WDR48: variants seen among roughly 807,000 people sequenced by gnomAD.
WDR48 encodes the protein WD repeat-containing protein 48.
A neutral mutation model predicts 94.0 loss-of-function variants in WDR48; 22 were observed. The ratio of observed to expected loss-of-function variants is 0.23; its 90% CI spans 0.17 to 0.33. The LOEUF (loss-of-function observed/expected upper bound fraction) is 0.33. Ranked by LOEUF, WDR48 falls within the 10% of genes least tolerant of loss-of-function variation. The pLI, the probability that WDR48 is intolerant of heterozygous loss-of-function variation, is 1.00. For missense variants in WDR48, 541 were observed against 813.8 expected (o/e 0.66, Z 4.08); for synonymous variants, 278 against 280.5 (o/e 0.99, Z 0.09).
At chr3:39,089,812 T>C (rs1359246938) in intron 16 of WDR48, 1 of 152,228 alleles carries the variant, frequency 6.6e-6, no homozygotes, top group Non-Finnish European at 1.5e-5. Flanking sequence ...TGTACATCTT[T>C]TCATGTCTGT....
chr3:39,074,603 G>A, intron 7 of WDR48, 123 bp from the exon 8 acceptor site: 1 of 969,008 alleles, frequency 1.0e-6, no homozygotes, highest in Non-Finnish European at 1.5e-6. Flanking sequence ...CTTTATCAGA[G>A]GCAGAAACAC....
intron 1 of WDR48, 61 bp downstream of exon 1, chr3:39,052,134 C>G (rs1032611693): frequency 5.1e-5 from 82 of 1,600,594 alleles, no homozygotes; most frequent in Non-Finnish European, 6.2e-5. Context: ...CCCACTCCAG[C>G]TAGAAGGTGC....
At chr3:39,066,036 A>G in intron 3 of WDR48, 147 bp downstream of exon 3, 2 of 602,262 alleles carry the variant, frequency 3.3e-6, no homozygotes, top group Non-Finnish European at 5.6e-6. Flanking sequence ...ACCCAAATCA[A>G]GAAACAATAT....
At chr3:39,089,515 A>C (rs1042727781) in intron 16 of WDR48, 197 bp downstream of exon 16, 2 of 366,974 alleles carry the variant, frequency 5.4e-6, no homozygotes, top group Non-Finnish European at 4.8e-6. Flanking sequence ...TTGGTTTTTA[A>C]TTATAAAAAT....
Position 39,074,950 on chromosome 3 carries a change from G to T in WDR48, c.897G>T (p.Lys299Asn). Residue 299 changes from lysine to asparagine, a missense_variant and splice_region_variant, in exon 8 of 19, where the codon AAG becomes AAT. Around this residue, in one of 5 missense-constraint regions of WDR48, gnomAD observed 238 missense variants for 285.3 expected, o/e 0.83. Coordinates refer to ENST00000302313, the MANE Select transcript of WDR48 (RefSeq NM_020839.4). ...LICEEKAPVLKMELDRSADPP... is the reference protein window; with the variant it reads ...LICEEKAPVLNMELDRSADPP... ...GTGAAGAAAAAGCACCAGTTCTCAA[G>T]GTATGTCATATGTTAATATTTTAGT... 1 of 1,613,824 alleles carries T rather than the reference G, an allele frequency of 6.2e-7. No individual in the cohort carries two copies. Among genetic ancestry groups the T allele is most frequent in the Non-Finnish European group, 8.5e-7 (1 of 1,179,912 alleles).
At position 39,069,763 on chromosome 3, in the gene WDR48, G is replaced by C. The variant is rs758630144; in HGVS notation, c.672+19G>C. ...CACGCAAGTATGCAGTTTCATTTGGGTGTTTACCTAATAACCTTGTTAGAA... is the reference window on the plus strand; with the variant it reads ...CACGCAAGTATGCAGTTTCATTTGGCTGTTTACCTAATAACCTTGTTAGAA... On this transcript the variant is annotated intron_variant, in intron 7 of 18. Coordinates refer to ENST00000302313, the MANE Select transcript of WDR48 (RefSeq NM_020839.4). 3 of 1,599,552 alleles carry C rather than the reference G, an allele frequency of 1.9e-6. No homozygotes were observed. The highest frequency in any genetic ancestry group is 3.3e-4 in the Middle Eastern group (2 of 5,990).
At chr3:39,053,156 T>C (rs2032589974) in intron 1 of WDR48, among the ~76,000 whole-genome samples, 1 of 152,246 alleles carries the variant, frequency 6.6e-6, no homozygotes, top group Non-Finnish European at 1.5e-5. Flanking sequence ...ATTAAACATT[T>C]ACCTAGCACT....
intron 16 of WDR48, 39 bp downstream of exon 16, chr3:39,089,357 T>C: frequency 6.4e-7 from 1 of 1,574,072 alleles, no homozygotes; most frequent in East Asian, 2.2e-5. Context: ...TTTTATTTTT[T>C]TGTAACTCAT....
At chr3:39,085,447 C>T (rs1420858898) in intron 13 of WDR48, 68 bp from the exon 14 acceptor site, 1 of 1,221,342 alleles carries the variant, frequency 8.2e-7, no homozygotes, top group Non-Finnish European at 1.2e-6. Context: ...AATTTTTATT[C>T]TATTTTTAGG....
chr3:39,084,042 T>C, intron 11 of WDR48, 113 bp from the exon 12 acceptor site: 1 of 656,826 alleles, frequency 1.5e-6, no homozygotes, highest in Admixed American at 3.1e-5. Context: ...AAATGTATTT[T>C]AGACTGTTTC....
rs941962080 is a variant in WDR48 at position 39,069,584 on chromosome 3, G to A, written c.571-59G>A. 5 of 1,396,130 alleles carry A rather than the reference G, an allele frequency of 3.6e-6. No individual in the cohort carries two copies. In the African/African-American group the frequency reaches 4.4e-5, roughly 12 times the overall value. 86.5% of individuals were successfully genotyped at this position (1,396,130 alleles called of 1,614,324 possible). On this transcript the variant is annotated intron_variant, in intron 6 of 18. Transcript: ENST00000302313. ...ATCATTTGACTTATGAGAGTTGTCT[G>A]TTATTTAAATTTGATACTGATATAT...
At chr3:39,068,421 T>G (rs2033737752) in intron 5 of WDR48, among the ~76,000 whole-genome samples, 1 of 152,204 alleles carries the variant, frequency 6.6e-6, no homozygotes, top group South Asian at 2.1e-4. Context: ...TTTGTCTTGG[T>G]GTATGAAACA....
At chr3:39,091,538 A>T in intron 16 of WDR48, 87 bp from the exon 17 acceptor site, 1 of 947,782 alleles carries the variant, frequency 1.1e-6, no homozygotes, top group Non-Finnish European at 1.5e-6. Context: ...GATAATTATT[A>T]CTTGCAAGTC....
At position 39,066,625 on chromosome 3, in the gene WDR48, C is replaced by T; in HGVS notation, c.346C>T (p.His116Tyr). ...KGFCMSTLRT[H>Y]KDYVKALAYA... ...ATTTTGCATGTCAACATTAAGGACACATAAGGTAAAACAATACAGTTCTCA... is the reference window on the plus strand; with the variant it reads ...ATTTTGCATGTCAACATTAAGGACATATAAGGTAAAACAATACAGTTCTCA... Residue 116 changes from histidine to tyrosine, a missense_variant, in exon 4 of 19, where the codon CAT becomes TAT. Around this residue, in one of 5 missense-constraint regions of WDR48, gnomAD observed 104 missense variants for 189.7 expected, o/e 0.55. Coordinates refer to ENST00000302313, the MANE Select transcript of WDR48 (RefSeq NM_020839.4). 6.2e-7 allele frequency: 1 copy of T among 1,613,780 alleles called. No individual in the cohort carries two copies. The highest frequency in any genetic ancestry group is 8.5e-7 in the Non-Finnish European group (1 of 1,179,848).
intron 17 of WDR48, among the ~76,000 whole-genome samples, chr3:39,092,064 A>G (rs572259139): frequency 6.6e-6 from 1 of 152,338 alleles, no homozygotes; most frequent in African/African-American, 2.4e-5. Context: ...TTGTAGTCCA[A>G]GCTAGCCAGG....
In WDR48 at chr3:39,074,843, T is replaced by G; in HGVS notation, c.790T>G (p.Phe264Val). ...TTGGGCGCTGCAAGTCAATGATGCC[T>G]TCACACATGTGTATTCTGGTGGAAG... is the stretch of plus-strand genomic sequence containing the variant. ...GVWALQVNDA[F>V]THVYSGGRDR... is the part of the protein sequence containing the mutation. Residue 264 changes from phenylalanine to valine, a missense_variant, in exon 8 of 19, where the codon TTC (phenylalanine) becomes GTC (valine). By Grantham distance (50) the Phe-to-Val change is conservative. Transcript: ENST00000302313. 1.2e-6 allele frequency: 2 copies of G among 1,614,238 alleles called. No individual in the cohort carries two copies. The highest frequency in any genetic ancestry group is 1.7e-6 in the Non-Finnish European group (2 of 1,180,032).
intron 17 of WDR48, among the ~76,000 whole-genome samples, chr3:39,092,023 A>G (rs188221889): frequency 6.6e-6 from 1 of 152,256 alleles, no homozygotes; most frequent in African/African-American, 2.4e-5. Flanking sequence ...AGATTTAAGT[A>G]AAAAAATTAG....
chr3:39,065,937 T>G, intron 3 of WDR48, 48 bp downstream of exon 3: 1 of 1,438,604 alleles, frequency 7.0e-7, no homozygotes, highest in Non-Finnish European at 9.4e-7. Flanking sequence ...TATTTTTTGT[T>G]TTTTATATAA....
intron 9 of WDR48, 98 bp downstream of exon 9, chr3:39,077,311 C>T (rs1040791714): frequency 7.4e-7 from 1 of 1,350,308 alleles, no homozygotes; most frequent in Non-Finnish European, 1.0e-6. Context: ...GGCCCTAACT[C>T]TAGCATGCTT....
Sources: allele counts gnomAD v4.1 joint callset (sites outside exome capture counted in the v4.1 genomes callset), GRCh38; gene constraint gnomAD v4.1.1; regional missense constraint gnomAD v4.1.1; transcripts MANE v1.5; gene names NCBI Gene and HGNC (gene_info 2026-07-23, HGNC 2026-07-21).